PCID2: variants seen among roughly 807,000 people sequenced by gnomAD.
PCID2 encodes the protein PCI domain containing 2, also known as PCI domain-containing protein 2.
A neutral mutation model predicts 61.3 loss-of-function variants in PCID2; 41 were observed. The ratio of observed to expected loss-of-function variants is 0.67; its 90% CI spans 0.52 to 0.87. PCID2 has a LOEUF of 0.87. Ranked by LOEUF, PCID2 falls within the 40% of genes least tolerant of loss-of-function variation. The pLI, the probability that PCID2 is intolerant of heterozygous loss-of-function variation, is 0.00. For missense variants in PCID2, 392 were observed against 493.4 expected (o/e 0.79, Z 1.95); for synonymous variants, 187 against 177.8 (o/e 1.05, Z -0.41).
At chr13:113,200,282 T>TA (rs2039320417) in intron 2 of PCID2, 145 bp downstream of exon 2, 1 of 607,180 alleles carries the variant, frequency 1.6e-6, no homozygotes, top group African/African-American at 1.9e-5. Context: ...GGATTGAAAT[T>TA]ACATAAATCA....
At chr13:113,167,363 G>A in the PCID2 span, among the ~76,000 whole-genome samples, 3 of 152,192 alleles carry the variant, frequency 2.0e-5, no homozygotes, top group South Asian at 2.1e-4. Context: ...CAGGAACGAC[G>A]CCACGGTAAA....
intron 2 of PCID2, among the ~76,000 whole-genome samples, chr13:113,199,636 A>G (rs1265162191): frequency 6.6e-6 from 1 of 152,190 alleles, no homozygotes. Context: ...TACAATACAA[A>G]GCACAGGGCA....
chr13:113,199,643 G>A (rs2039270693), intron 2 of PCID2, among the ~76,000 whole-genome samples: 1 of 152,148 alleles, frequency 6.6e-6, no homozygotes, highest in Non-Finnish European at 1.5e-5. Flanking sequence ...CAAAGCACAG[G>A]GCACCAGCCA....
At chr13:113,170,384 CTATT>C in the PCID2 span, 2 of 1,343,686 alleles carry the variant, frequency 1.5e-6, no homozygotes, top group Admixed American at 1.7e-5. Context: ...TTGTCACCAG[CTATT>C]TATTGTCTGT....
chr13:113,165,039 TGCC>T, the PCID2 span: 1 of 1,613,206 alleles, frequency 6.2e-7, no homozygotes, highest in African/African-American at 1.3e-5. Context: ...CTCATGTTGC[TGCC>T]GCAAATGCAG....
chr13:113,173,468 G>A (rs1176522257), downstream of PCID2, among the ~76,000 whole-genome samples: 2 of 152,226 alleles, frequency 1.3e-5, no homozygotes, highest in African/African-American at 4.8e-5. Flanking sequence ...GAAGAGCAGA[G>A]AGGACTTTTA....
chr13:113,208,318 G>C, intron 1 of PCID2: 3 of 1,432,938 alleles, frequency 2.1e-6, no homozygotes, highest in Non-Finnish European at 2.7e-6. Context: ...CAGCAAGTGA[G>C]GGCAGCGACC....
At position 113,178,042 on chromosome 13, in the gene PCID2, G is replaced by C; in HGVS notation, c.*156C>G. On this transcript the variant is annotated 3_prime_UTR_variant, in exon 14 of 14. Coordinates refer to ENST00000337344, the MANE Select transcript of PCID2 (RefSeq NM_001127202.4). ...AGTTACAAATGAAGGAGATTAACTC[G>C]GGTGTGCTGAAAATCTCAGCCTCAG... The C allele has an allele frequency of 1.9e-6, 1 of 532,174 alleles. No homozygotes were observed. Among genetic ancestry groups the C allele is most frequent in the Non-Finnish European group, 3.4e-6 (1 of 295,108 alleles). 33.0% of individuals were successfully genotyped at this position (532,174 alleles called of 1,614,324 possible). A position where few individuals can be genotyped will look rare whatever the true frequency, so the allele number is the denominator to read the frequency against.
At chr13:113,181,413 C>A (rs752902248) in intron 9 of PCID2, among the ~76,000 whole-genome samples, 183 bp from the exon 10 acceptor site, 1 of 152,180 alleles carries the variant, frequency 6.6e-6, no homozygotes, top group Non-Finnish European at 1.5e-5. Context: ...AAAATCCATA[C>A]CCCCAAATTC....
In PCID2 at chr13:113,179,862, T is replaced by G. The variant is rs1030802572; in HGVS notation, c.986+55A>C. 1.3e-6 allele frequency: 2 copies of G among 1,567,852 alleles called. No homozygotes were observed. Among genetic ancestry groups the G allele is most frequent in the East Asian group, 2.3e-5 (1 of 43,412 alleles). On this transcript the variant is annotated intron_variant, in intron 12 of 13. Transcript: ENST00000337344. The surrounding 1 kb of genome is among the most constrained non-coding windows in gnomAD (Gnocchi z 4.3). ...TTAGACTGCAACAGCCCTGGATGTC[T>G]GACTGCTCTGCCGAGAGCCACACTG...
intron 1 of PCID2, among the ~76,000 whole-genome samples, chr13:113,204,389 G>A (rs1215624381): frequency 6.6e-6 from 1 of 152,244 alleles, no homozygotes; most frequent in African/African-American, 2.4e-5. Context: ...ACACACTGGG[G>A]ACACAGTGGT....
At chr13:113,165,865 CTT>C in the PCID2 span, among the ~76,000 whole-genome samples, 25 of 152,322 alleles carry the variant, frequency 1.6e-4, no homozygotes, top group African/African-American at 6.0e-4. Flanking sequence ...AATGGTCACT[CTT>C]GACACATAAA....
At chr13:113,181,014 T>C in intron 10 of PCID2, 116 bp downstream of exon 10, 2 of 705,468 alleles carry the variant, frequency 2.8e-6, no homozygotes, top group East Asian at 2.6e-5. Flanking sequence ...GGTGTGCTCA[T>C]ACACAGCTCA....
chr13:113,192,728 T>C (rs894288460), intron 6 of PCID2, among the ~76,000 whole-genome samples: 2 of 152,156 alleles, frequency 1.3e-5, no homozygotes, highest in African/African-American at 4.8e-5. Context: ...TTTTTAACAG[T>C]GGTATATCAG....
At chr13:113,185,280 T>G (rs2038008592) in intron 8 of PCID2, among the ~76,000 whole-genome samples, 1 of 152,204 alleles carries the variant, frequency 6.6e-6, no homozygotes, top group Non-Finnish European at 1.5e-5. Context: ...GGGCTGATTG[T>G]CAACAGGAAG....
At position 113,179,813 on chromosome 13, in the gene PCID2, C is replaced by A; in HGVS notation, c.986+104G>T. On this transcript the variant is annotated intron_variant, in intron 12 of 13. Transcript: ENST00000337344. This position sits in a 1 kb window ranked among gnomAD's most constrained non-coding sequence, Gnocchi z 4.3. ...ACACAATGGAAGGAAGATAACGACC[C>A]CACCCACACGGTGGCCTTCTCTCTT... 1 of 1,152,986 alleles carries A rather than the reference C, an allele frequency of 8.7e-7. No homozygotes were observed. 71.4% of individuals were successfully genotyped at this position (1,152,986 alleles called of 1,614,324 possible).
chr13:113,196,311 T>G (rs1004246255), intron 4 of PCID2, 89 bp from the exon 5 acceptor site: 2 of 1,042,070 alleles, frequency 1.9e-6, no homozygotes, highest in Non-Finnish European at 1.5e-6. Flanking sequence ...TTTTAAGGAA[T>G]GTAGATCACC....
chr13:113,205,048 T>C (rs2039706829), intron 1 of PCID2, among the ~76,000 whole-genome samples: 1 of 152,180 alleles, frequency 6.6e-6, no homozygotes, highest in Non-Finnish European at 1.5e-5. Context: ...CACCATCTAC[T>C]CTTGGAACTC....
At chr13:113,202,080 A>T (rs2039475550) in intron 1 of PCID2, among the ~76,000 whole-genome samples, 1 of 152,208 alleles carries the variant, frequency 6.6e-6, no homozygotes, top group South Asian at 2.1e-4. Flanking sequence ...AGCAACTAGA[A>T]GGCTCACACA....
Sources: allele counts gnomAD v4.1 joint callset (sites outside exome capture counted in the v4.1 genomes callset), GRCh38; gene constraint gnomAD v4.1.1; non-coding constraint Gnocchi (gnomAD v3.1); transcripts MANE v1.5; gene names NCBI Gene and HGNC (gene_info 2026-07-23, HGNC 2026-07-21).